The following KCNMB2 variants were observed in gnomAD, a reference collection of about 807,000 sequenced individuals.
KCNMB2 encodes calcium-activated potassium channel subunit beta-2.
A neutral mutation model predicts 24.5 loss-of-function variants in KCNMB2; 9 were observed. The observed-to-expected ratio is 0.37, with a 90% confidence interval of 0.22 to 0.64. The LOEUF (loss-of-function observed/expected upper bound fraction) is 0.64, where lower values mean the gene tolerates loss of function less well. Among genes scored for constraint, KCNMB2 ranks in the 30% least tolerant of loss-of-function variants. The pLI is 0.63. For missense variants in KCNMB2, 226 were observed against 284.3 expected (o/e 0.79, Z 1.47); for synonymous variants, 109 against 104.4 (o/e 1.04, Z -0.27).
At chr3:178,770,279 C>G (rs1712290450) in intron 1 of KCNMB2, among the ~76,000 whole-genome samples, 1 of 152,200 alleles carries the variant, frequency 6.6e-6, no homozygotes, top group African/African-American at 2.4e-5. Flanking sequence ...TATTCTCAGA[C>G]ATGATTGGAA....
At chr3:178,659,494 A>G (rs1720452495) in intron 1 of KCNMB2, among the ~76,000 whole-genome samples, 1 of 152,228 alleles carries the variant, frequency 6.6e-6, no homozygotes, top group Non-Finnish European at 1.5e-5. Context: ...TTGGTGTTAG[A>G]ATATCCATGA....
intron 1 of KCNMB2, among the ~76,000 whole-genome samples, chr3:178,707,225 T>C (rs139837948): frequency 2.6e-5 from 4 of 152,218 alleles, no homozygotes; most frequent in South Asian, 4.1e-4. Context: ...CTGTGAAACA[T>C]TGGGTAAACT....
chr3:178,589,400 A>G (rs1717579091), intron 1 of KCNMB2, among the ~76,000 whole-genome samples: 1 of 152,192 alleles, frequency 6.6e-6, no homozygotes, highest in African/African-American at 2.4e-5. Flanking sequence ...TGTCTCAGAA[A>G]TAACCAGCAG....
chr3:178,808,499 T>G (rs1714067756), intron 2 of KCNMB2, among the ~76,000 whole-genome samples: 1 of 152,028 alleles, frequency 6.6e-6, no homozygotes, highest in African/African-American at 2.4e-5. Context: ...CTGAAGGAGG[T>G]TTGCCTGAAT....
chr3:178,753,932 C>T (rs1264408405), intron 1 of KCNMB2, among the ~76,000 whole-genome samples: 2 of 152,032 alleles, frequency 1.3e-5, no homozygotes, highest in East Asian at 1.9e-4. Flanking sequence ...CTTTGACAAA[C>T]ATTTCTCCAT....
Position 178,844,107 on chromosome 3 carries a change from T to C in KCNMB2, c.*1170T>C, listed in dbSNP as rs1052513660. On this transcript the variant is annotated 3_prime_UTR_variant, in exon 5 of 5. Coordinates refer to ENST00000452583, the MANE Select transcript of KCNMB2 (RefSeq NM_181361.3). Reference sequence around the variant, plus strand: ...CCTTTGTTCACATTGCTATTTACTTTTGTGTTTGGGGGAAAATACGAGGGA... The same window carrying C: ...CCTTTGTTCACATTGCTATTTACTTCTGTGTTTGGGGGAAAATACGAGGGA... 10 of 152,564 alleles carry C rather than the reference T, an allele frequency of 6.6e-5. No homozygotes were observed. Among genetic ancestry groups the C allele is most frequent in the Non-Finnish European group, 1.5e-4 (10 of 67,986 alleles). The allele number at this position is 152,564 out of a possible 1,614,324, so 9.5% of individuals were successfully genotyped here.
intron 1 of KCNMB2, among the ~76,000 whole-genome samples, chr3:178,753,524 G>A (rs1723919362): frequency 6.6e-6 from 1 of 152,146 alleles, no homozygotes; most frequent in African/African-American, 2.4e-5. Flanking sequence ...TCAGTATGCT[G>A]TCATTACTTT....
chr3:178,822,063 G>A (rs1234881558), intron 2 of KCNMB2, among the ~76,000 whole-genome samples: 1 of 152,098 alleles, frequency 6.6e-6, no homozygotes, highest in Non-Finnish European at 1.5e-5. Context: ...CAGAATAAAG[G>A]CCAAGCTCTT....
intron 1 of KCNMB2, among the ~76,000 whole-genome samples, chr3:178,655,735 G>A (rs1243154933): frequency 6.6e-6 from 1 of 152,216 alleles, no homozygotes; most frequent in Non-Finnish European, 1.5e-5. Flanking sequence ...GGCAGCACCA[G>A]CAGAGAAGGC....
intron 4 of KCNMB2, among the ~76,000 whole-genome samples, chr3:178,833,650 A>G (rs1715123635): frequency 6.6e-6 from 1 of 152,216 alleles, no homozygotes; most frequent in South Asian, 2.1e-4. Context: ...ATTGAGATAC[A>G]TCAGGCGCTA....
At chr3:178,674,981 T>C (rs1721024446) in intron 1 of KCNMB2, among the ~76,000 whole-genome samples, 1 of 152,222 alleles carries the variant, frequency 6.6e-6, no homozygotes, top group Non-Finnish European at 1.5e-5. Context: ...AAAATTATAA[T>C]TGCAGCTCCT....
intron 1 of KCNMB2, among the ~76,000 whole-genome samples, chr3:178,539,835 T>G (rs1715559028): frequency 6.6e-6 from 1 of 152,104 alleles, no homozygotes; most frequent in South Asian, 2.1e-4. Context: ...GGTTCCTTAT[T>G]ATTTCCTAAA....
At chr3:178,541,112 G>C (rs1356821450) in intron 1 of KCNMB2, among the ~76,000 whole-genome samples, 1 of 152,102 alleles carries the variant, frequency 6.6e-6, no homozygotes, top group Non-Finnish European at 1.5e-5. Context: ...TTTTTCCAAA[G>C]AGCACCTTCA....
At chr3:178,760,605 T>C (rs1711817277) in intron 1 of KCNMB2, among the ~76,000 whole-genome samples, 1 of 150,688 alleles carries the variant, frequency 6.6e-6, no homozygotes, top group African/African-American at 2.4e-5. Flanking sequence ...CACTTCTCTT[T>C]GTACCTATCA....
intron 4 of KCNMB2, among the ~76,000 whole-genome samples, chr3:178,831,502 C>T (rs879352716): frequency 2.6e-5 from 4 of 152,126 alleles, no homozygotes; most frequent in Non-Finnish European, 5.9e-5. Flanking sequence ...CCTAAATGCC[C>T]ATCAACAGTG....
At chr3:178,611,346 G>A (rs1718474628) in intron 1 of KCNMB2, among the ~76,000 whole-genome samples, 1 of 151,994 alleles carries the variant, frequency 6.6e-6, no homozygotes, top group Non-Finnish European at 1.5e-5. Flanking sequence ...GTATTTATTT[G>A]GAACCTCTCT....
chr3:178,804,258 G>T (rs568977585), intron 1 of KCNMB2, among the ~76,000 whole-genome samples: 1 of 152,162 alleles, frequency 6.6e-6, no homozygotes, highest in Non-Finnish European at 1.5e-5. Flanking sequence ...AGGAGTTCAG[G>T]GGGGCTGTCT....
At chr3:178,557,314 T>C (rs1716158596) in intron 1 of KCNMB2, among the ~76,000 whole-genome samples, 5 of 152,148 alleles carry the variant, frequency 3.3e-5, no homozygotes, top group Admixed American at 2.0e-4. Context: ...GGCTCTCTTT[T>C]TCCTCTGAGA....
chr3:178,546,963 G>T (rs76270853), intron 1 of KCNMB2, among the ~76,000 whole-genome samples: 35,854 of 152,188 alleles, frequency 0.24, 4,963 homozygotes, highest in East Asian at 0.43. Flanking sequence ...TATGTGTCTG[G>T]AAAGTGCTAT....
Sources: gnomAD v4.1 joint callset for allele counts (sites outside exome capture counted in the v4.1 genomes callset) on GRCh38, gnomAD v4.1.1 for gene constraint, MANE v1.5 for transcripts, NCBI Gene and HGNC (gene_info 2026-07-23, HGNC 2026-07-21) for gene names.